Variants in ARHGAP15 observed in about 807,000 individuals in gnomAD.
ARHGAP15 encodes the protein rho GTPase-activating protein 15.
A neutral mutation model predicts 63.7 loss-of-function variants in ARHGAP15; 51 were observed. The observed-to-expected ratio is 0.80, with a 90% CI of 0.64 to 1.01. The LOEUF (loss-of-function observed/expected upper bound fraction) is 1.01. Ranked by LOEUF, ARHGAP15 falls within the 50% of genes least tolerant of loss-of-function variation. ARHGAP15 has a pLI of 0.00. For synonymous variants in ARHGAP15, 191 were observed against 193.8 expected (o/e 0.99, Z 0.12); for missense variants, 560 against 564.6 (o/e 0.99, Z 0.08).
Position 143,468,663 on chromosome 2 carries a change from A to AGT in ARHGAP15, c.704-18687_704-18686dup, listed in dbSNP as rs70982870. Among the ~76,000 whole-genome samples the AGT allele has an allele frequency of 6.3e-3, 862 of 136,300 alleles. 7 individuals are homozygous for AGT. Among genetic ancestry groups the AGT allele is most frequent in the African/African-American group, 0.018 (654 of 36,626 alleles). The allele number at this position is 136,300 out of a possible 152,430, so 89.4% of individuals were successfully genotyped here. A position where few individuals can be genotyped will look rare whatever the true frequency, so the allele number is the denominator to read the frequency against. ...GAGAGAGAGAGAGAGAGAGAGAGAG[A>AGT]GTGTGTGTGTGTGTGTGTGTGTGTT... On this transcript the variant is annotated intron_variant, in intron 8 of 13. Coordinates refer to ENST00000295095, the MANE Select transcript of ARHGAP15 (RefSeq NM_018460.4).
chr2:143,422,337 C>A (rs1688958276), intron 6 of ARHGAP15, among the ~76,000 whole-genome samples: 1 of 152,086 alleles, frequency 6.6e-6, no homozygotes, highest in Non-Finnish European at 1.5e-5. Context: ...CTTTAGATAT[C>A]ATTTATTCAG....
intron 11 of ARHGAP15, among the ~76,000 whole-genome samples, chr2:143,623,290 G>T (rs965529436): frequency 2.0e-5 from 3 of 152,114 alleles, no homozygotes; most frequent in Non-Finnish European, 4.4e-5. Flanking sequence ...AAAAATAATT[G>T]CCCAGCGCAC....
chr2:143,763,115 G>A (rs914665171), intron 13 of ARHGAP15, among the ~76,000 whole-genome samples: 1 of 151,774 alleles, frequency 6.6e-6, no homozygotes, highest in Non-Finnish European at 1.5e-5. Flanking sequence ...TCTCTAGCTG[G>A]TCCCCACAGT....
At chr2:143,763,031 A>C (rs573306226) in intron 13 of ARHGAP15, among the ~76,000 whole-genome samples, 1 of 152,220 alleles carries the variant, frequency 6.6e-6, no homozygotes, top group East Asian at 1.9e-4. Context: ...TATTCCATGA[A>C]AGCCTTTTAT....
chr2:143,534,150 GT>G (rs1221264828), intron 10 of ARHGAP15, among the ~76,000 whole-genome samples: 1 of 152,164 alleles, frequency 6.6e-6, no homozygotes, highest in Non-Finnish European at 1.5e-5. Flanking sequence ...CCTCCATGCT[GT>G]TCTCATAATA....
At chr2:143,541,605 C>T (rs377391696) in intron 10 of ARHGAP15, among the ~76,000 whole-genome samples, 1 of 152,170 alleles carries the variant, frequency 6.6e-6, no homozygotes, top group Non-Finnish European at 1.5e-5. Flanking sequence ...AGTCAGGACC[C>T]TCAGTTGCAG....
chr2:143,180,289 T>G (rs1691183092), intron 2 of ARHGAP15, among the ~76,000 whole-genome samples: 2 of 152,244 alleles, frequency 1.3e-5, no homozygotes, highest in African/African-American at 4.8e-5. Context: ...GCCTCTTCAC[T>G]GGGGTACATT....
chr2:143,509,969 G>A (rs1183455763), intron 9 of ARHGAP15, among the ~76,000 whole-genome samples: 3 of 132,764 alleles, frequency 2.3e-5, no homozygotes, highest in African/African-American at 8.4e-5. Flanking sequence ...GTAGTGAGCC[G>A]AGATTGTACC....
intron 6 of ARHGAP15, among the ~76,000 whole-genome samples, chr2:143,362,513 G>C (rs956404922): frequency 6.6e-6 from 1 of 152,134 alleles, no homozygotes; most frequent in African/African-American, 2.4e-5. Context: ...ATCTGCAATA[G>C]TCTAGATGAT....
chr2:143,191,578 A>G (rs1691685943), intron 2 of ARHGAP15, among the ~76,000 whole-genome samples: 1 of 152,100 alleles, frequency 6.6e-6, no homozygotes, highest in South Asian at 2.1e-4. Flanking sequence ...GCTTTTCTTC[A>G]TTTTCAAGAA....
chr2:143,301,377 A>G (rs1472767976), intron 6 of ARHGAP15, among the ~76,000 whole-genome samples: 1 of 152,026 alleles, frequency 6.6e-6, no homozygotes, highest in Non-Finnish European at 1.5e-5. Flanking sequence ...TAGCCAAAAA[A>G]TATTCAGCTT....
rs536893093 is a variant in ARHGAP15 at position 143,170,196 on chromosome 2, T to C, written c.165+14541T>C. ...CTTGATTGATTGCAGCTTCTGATTC[T>C]TAGGGAAAATCACCTCTGCGTTTTA... On this transcript the variant is annotated intron_variant, in intron 2 of 13. Coordinates refer to ENST00000295095, the MANE Select transcript of ARHGAP15 (RefSeq NM_018460.4). Among the ~76,000 whole-genome samples, 10 of 152,208 alleles carry C rather than the reference T, an allele frequency of 6.6e-5. No individual in the cohort carries two copies. In the East Asian group the frequency reaches 1.9e-3, roughly 30 times the overall value.
chr2:143,155,395 T>C, intron 1 of ARHGAP15, 82 bp from the exon 2 acceptor site: 1 of 1,257,464 alleles, frequency 8.0e-7, no homozygotes, highest in Non-Finnish European at 1.1e-6. Flanking sequence ...AATATCCTAA[T>C]GATTACTAGG....
At chr2:143,302,334 G>C (rs1682942886) in intron 6 of ARHGAP15, among the ~76,000 whole-genome samples, 1 of 151,896 alleles carries the variant, frequency 6.6e-6, no homozygotes, top group Non-Finnish European at 1.5e-5. Context: ...TCAACTGACA[G>C]ATTTTACTTT....
intron 12 of ARHGAP15, among the ~76,000 whole-genome samples, chr2:143,686,510 C>CTATT (rs762559827): frequency 1.1e-4 from 17 of 148,568 alleles, no homozygotes; most frequent in South Asian, 2.2e-4. Flanking sequence ...TAGTCTAATT[C>CTATT]TATTTAAAAT....
intron 13 of ARHGAP15, among the ~76,000 whole-genome samples, chr2:143,753,459 A>G (rs1348653781): frequency 1.3e-5 from 2 of 152,214 alleles, no homozygotes; most frequent in African/African-American, 4.8e-5. Context: ...AAATTCTTAG[A>G]ACAGGTGATC....
At chr2:143,204,770 A>G (rs1049685246) in intron 3 of ARHGAP15, among the ~76,000 whole-genome samples, 4 of 151,918 alleles carry the variant, frequency 2.6e-5, no homozygotes, top group Non-Finnish European at 5.9e-5. Flanking sequence ...CTTCTGCTCC[A>G]ATGAAGCTGA....
chr2:143,630,078 A>AT (rs1266956815), intron 12 of ARHGAP15, among the ~76,000 whole-genome samples: 2 of 152,092 alleles, frequency 1.3e-5, no homozygotes, highest in South Asian at 2.1e-4. Flanking sequence ...GACTACAAGC[A>AT]TTTTTTCTAC....
chr2:143,485,568 A>G (rs1479194336), intron 8 of ARHGAP15, among the ~76,000 whole-genome samples: 1 of 152,044 alleles, frequency 6.6e-6, no homozygotes, highest in Non-Finnish European at 1.5e-5. Context: ...AATTTTTCCA[A>G]TCAGTTTAAG....
Sources: gnomAD v4.1 joint callset for allele counts (sites outside exome capture counted in the v4.1 genomes callset) on GRCh38, gnomAD v4.1.1 for gene constraint, MANE v1.5 for transcripts, NCBI Gene and HGNC (gene_info 2026-07-23, HGNC 2026-07-21) for gene names.